The following RIN2 variants were observed in gnomAD, a reference collection of about 807,000 sequenced individuals.
RIN2 encodes the protein Ras and Rab interactor 2.
A neutral mutation model predicts 78.0 loss-of-function variants in RIN2; 36 were observed. The ratio of observed to expected loss-of-function variants is 0.46; its 90% CI spans 0.35 to 0.61. The LOEUF is 0.61. Among genes scored for constraint, RIN2 ranks in the 20% least tolerant of loss-of-function variants. The pLI, the probability that RIN2 is intolerant of heterozygous loss-of-function variation, is 0.00. For synonymous variants in RIN2, 466 were observed against 466.8 expected (o/e 1.00, Z 0.02); for missense variants, 1,087 against 1,159.7 (o/e 0.94, Z 0.91).
At chr20:19,958,524 G>GT (rs2041630195) in intron 5 of RIN2, among the ~76,000 whole-genome samples, 1 of 152,260 alleles carries the variant, frequency 6.6e-6, no homozygotes, top group South Asian at 2.1e-4. Context: ...GATTGGGCAG[G>GT]TTGAGGGCAG....
intron 2 of RIN2, among the ~76,000 whole-genome samples, chr20:19,825,431 G>A (rs1456273788): frequency 1.3e-5 from 2 of 152,182 alleles, no homozygotes; most frequent in Non-Finnish European, 2.9e-5. Context: ...CTCGCTTTCA[G>A]AAGACAGCTC....
chr20:19,965,024 G>C lies in RIN2; in HGVS notation c.536G>C (p.Arg179Thr). 1 of 1,611,404 alleles carries C rather than the reference G, an allele frequency of 6.2e-7. No homozygotes were observed. Among genetic ancestry groups the C allele is most frequent in the South Asian group, 1.1e-5 (1 of 91,052 alleles). The change falls in exon 7 of 13, where the codon AGG (arginine) becomes ACG (threonine). Residue 179 changes from arginine (R) to threonine (T), a missense_variant and splice_region_variant. By Grantham distance (71) the Arg-to-Thr change is moderately conservative. Coordinates refer to ENST00000255006, the MANE Select transcript of RIN2 (RefSeq NM_018993.4). ...FRLIAFYCIS[R>T]DVLPFTLKLP... is the part of the protein sequence containing the mutation. ...CTCATTGCTTTCTACTGCATCAGCAGGTAAGGCCTCTTCCTCTCATATGGT... is the reference window on the plus strand; with the variant it reads ...CTCATTGCTTTCTACTGCATCAGCACGTAAGGCCTCTTCCTCTCATATGGT...
At chr20:19,758,969 C>T (rs1021794652) in intron 1 of RIN2, among the ~76,000 whole-genome samples, 1 of 152,196 alleles carries the variant, frequency 6.6e-6, no homozygotes, top group African/African-American at 2.4e-5. Context: ...GGCTGCGCAG[C>T]GGGCGGAGGA....
chr20:19,979,943 CT>C (rs1199607212), intron 9 of RIN2, among the ~76,000 whole-genome samples: 1 of 148,890 alleles, frequency 6.7e-6, no homozygotes, highest in Non-Finnish European at 1.5e-5. Flanking sequence ...TACTCAGAGG[CT>C]GAGGCAGGAG....
chr20:19,774,486 G>C (rs2034242104), intron 1 of RIN2, among the ~76,000 whole-genome samples: 1 of 152,222 alleles, frequency 6.6e-6, no homozygotes, highest in African/African-American at 2.4e-5. Context: ...ATTCCAAGAG[G>C]AATCTTTAGT....
At chr20:19,962,431 C>G (rs1348574787) in intron 6 of RIN2, among the ~76,000 whole-genome samples, 1 of 152,178 alleles carries the variant, frequency 6.6e-6, no homozygotes, top group Non-Finnish European at 1.5e-5. Context: ...TTCCTCTCCT[C>G]TTCCAGAAGT....
At position 19,975,361 on chromosome 20, in the gene RIN2, C is replaced by T. The variant is rs1465054619; in HGVS notation, c.1336C>T (p.Arg446Trp). Residue 446 changes from arginine (R) to tryptophan (W), a missense_variant, in exon 9 of 13, where the codon CGG becomes TGG. Transcript: ENST00000255006. This position sits in a 1 kb window ranked among gnomAD's most constrained non-coding sequence, Gnocchi z 4.9. ...CTCCTCCGACTCGCTGGAGTTCGAC[C>T]GGAGCATGCCTCTGTTTGGCTACGA... The part of the protein sequence containing the change: ...TSSSDSLEFD[R>W]SMPLFGYEAD... The T allele has an allele frequency of 1.9e-6, 3 of 1,613,740 alleles. No individual in the cohort carries two copies. Among genetic ancestry groups the T allele is most frequent in the Non-Finnish European group, 2.5e-6 (3 of 1,179,754 alleles).
At chr20:19,798,264 G>A (rs2035124980) in intron 1 of RIN2, among the ~76,000 whole-genome samples, 1 of 151,990 alleles carries the variant, frequency 6.6e-6, no homozygotes, top group Non-Finnish European at 1.5e-5. Flanking sequence ...AACTCATCTG[G>A]GACTGAAGCC....
intron 2 of RIN2, among the ~76,000 whole-genome samples, chr20:19,822,677 A>C (rs865932580): frequency 7.4e-6 from 1 of 134,838 alleles, no homozygotes; most frequent in African/African-American, 3.3e-5. Flanking sequence ...CCCACACACA[A>C]TTACAAATTC....
intron 2 of RIN2, among the ~76,000 whole-genome samples, chr20:19,867,931 C>T (rs1205733378): frequency 1.3e-5 from 2 of 152,324 alleles, no homozygotes; most frequent in East Asian, 1.9e-4. Context: ...AACTGCAAGG[C>T]GTTTTCGTGG....
At chr20:19,942,979 T>C (rs1463858099) in intron 4 of RIN2, among the ~76,000 whole-genome samples, 1 of 152,242 alleles carries the variant, frequency 6.6e-6, no homozygotes, top group Non-Finnish European at 1.5e-5. Context: ...TTAGAATTCA[T>C]CTGCTAGGAA....
At chr20:19,834,937 C>T (rs2036362435) in intron 2 of RIN2, among the ~76,000 whole-genome samples, 1 of 115,150 alleles carries the variant, frequency 8.7e-6, no homozygotes, top group African/African-American at 2.9e-5. Context: ...GAGCAGGACC[C>T]TGTGAAGAAA....
chr20:19,788,175 GC>G (rs990216833), intron 1 of RIN2, among the ~76,000 whole-genome samples: 1 of 152,034 alleles, frequency 6.6e-6, no homozygotes, highest in African/African-American at 2.4e-5. Context: ...ACACAAGCGT[GC>G]CCTATCACTC....
At chr20:19,988,599 A>T (rs569303442) in intron 9 of RIN2, among the ~76,000 whole-genome samples, 1 of 152,312 alleles carries the variant, frequency 6.6e-6, no homozygotes, top group East Asian at 1.9e-4. Context: ...AGTTATTATT[A>T]TATAAATAGC....
chr20:19,813,052 TGC>T (rs1454557150), intron 2 of RIN2, among the ~76,000 whole-genome samples: 11 of 152,204 alleles, frequency 7.2e-5, no homozygotes, highest in Non-Finnish European at 1.6e-4. Flanking sequence ...TCACCACCCC[TGC>T]AGGAAGAACA....
intron 4 of RIN2, among the ~76,000 whole-genome samples, chr20:19,946,656 G>A (rs2041102721): frequency 1.4e-5 from 2 of 147,700 alleles, no homozygotes; most frequent in Admixed American, 1.4e-4. Context: ...GTTGCAGTAA[G>A]CCGAGATTGT....
At chr20:19,905,585 G>A (rs898196960) in intron 3 of RIN2, among the ~76,000 whole-genome samples, 1 of 152,110 alleles carries the variant, frequency 6.6e-6, no homozygotes, top group African/African-American at 2.4e-5. Context: ...AACTAAGAAA[G>A]TCAAGTTCTA....
intron 3 of RIN2, among the ~76,000 whole-genome samples, chr20:19,909,353 CT>C (rs1198355343): frequency 2.6e-5 from 4 of 152,188 alleles, no homozygotes; most frequent in Non-Finnish European, 5.9e-5. Context: ...TTCCCAAATA[CT>C]GAGGAGTTTT....
At chr20:19,920,731 A>G in intron 3 of RIN2, among the ~76,000 whole-genome samples, 1 of 152,218 alleles carries the variant, frequency 6.6e-6, no homozygotes. Flanking sequence ...GCTGGAGCAC[A>G]GTGGCGTGAT....
Sources: gnomAD v4.1 joint callset for allele counts (sites outside exome capture counted in the v4.1 genomes callset) on GRCh38, gnomAD v4.1.1 for gene constraint, Gnocchi (gnomAD v3.1) non-coding constraint, MANE v1.5 for transcripts, NCBI Gene and HGNC (gene_info 2026-07-23, HGNC 2026-07-21) for gene names.